The following FBXL20 variants were observed in gnomAD, a reference collection of about 807,000 sequenced individuals.
FBXL20 encodes the protein F-box and leucine rich repeat protein 20.
A neutral mutation model predicts 64.0 loss-of-function variants in FBXL20; 11 were observed. The observed-to-expected ratio is 0.17, with a 90% confidence interval of 0.11 to 0.28. The LOEUF is 0.28. FBXL20 is among the 10% of genes least tolerant of loss of function. The probability of loss-of-function intolerance (pLI) is 1.00; values close to 1 mark genes in which losing one functional copy is unlikely to be tolerated. For synonymous variants in FBXL20, 184 were observed against 189.0 expected (o/e 0.97, Z 0.22); for missense variants, 303 against 526.2 (o/e 0.58, Z 4.15).
At chr17:39,285,392 C>A in intron 7 of FBXL20, 86 bp downstream of exon 7, 3 of 823,398 alleles carry the variant, frequency 3.6e-6, no homozygotes, top group Admixed American at 3.0e-5. Context: ...AACAGAGTTG[C>A]CTTCAATTCC....
At chr17:39,361,741 G>A (rs1470419299) in intron 1 of FBXL20, among the ~76,000 whole-genome samples, 1 of 152,012 alleles carries the variant, frequency 6.6e-6, no homozygotes, top group Admixed American at 6.6e-5. Flanking sequence ...AGTTTGCAGT[G>A]AGCCGAGATC....
At chr17:39,274,655 T>C (rs895376858) in intron 10 of FBXL20, among the ~76,000 whole-genome samples, 18 of 152,232 alleles carry the variant, frequency 1.2e-4, no homozygotes, top group Admixed American at 1.1e-3. Flanking sequence ...AAAACTACTT[T>C]GAGAAAAGAA....
chr17:39,310,685 C>CA (rs1032286235), intron 2 of FBXL20, among the ~76,000 whole-genome samples: 93 of 151,548 alleles, frequency 6.1e-4, no homozygotes, highest in Middle Eastern at 3.4e-3. Context: ...CCTATCTCTA[C>CA]AAAAAAACAC....
chr17:39,278,808 G>C (rs1229568071), intron 9 of FBXL20, among the ~76,000 whole-genome samples: 2 of 146,236 alleles, frequency 1.4e-5, no homozygotes, highest in East Asian at 2.2e-4. Flanking sequence ...GCCTCCCAAA[G>C]TGTTGGGATT....
intron 6 of FBXL20, among the ~76,000 whole-genome samples, chr17:39,288,980 G>C (rs146119585): frequency 7.9e-4 from 120 of 152,304 alleles, no homozygotes; most frequent in African/African-American, 2.7e-3. Context: ...TGGGATTACA[G>C]GCGTGAGCCA....
intron 1 of FBXL20, among the ~76,000 whole-genome samples, chr17:39,388,523 G>A (rs954589006): frequency 6.8e-6 from 1 of 146,480 alleles, no homozygotes; most frequent in Non-Finnish European, 1.5e-5. Flanking sequence ...TCGCTCTGTC[G>A]CCCAGGCTGG....
At chr17:39,398,392 T>C (rs1006113889) in intron 1 of FBXL20, among the ~76,000 whole-genome samples, 2 of 152,202 alleles carry the variant, frequency 1.3e-5, no homozygotes, top group Non-Finnish European at 2.9e-5. Flanking sequence ...ATCGTTAAAT[T>C]TGAAAGACAA....
intron 6 of FBXL20, among the ~76,000 whole-genome samples, chr17:39,291,439 T>TA (rs959038022): frequency 1.4e-5 from 2 of 144,622 alleles, no homozygotes; most frequent in African/African-American, 5.1e-5. Flanking sequence ...TTCTTTTTTT[T>TA]TTTTTTTTTT....
rs1300996925 is a variant in FBXL20 at position 39,256,969 on chromosome 17, C to T, written c.*4491G>A. 1 of 151,790 alleles carries T rather than the reference C, an allele frequency of 6.6e-6. No homozygotes were observed. Among genetic ancestry groups the T allele is most frequent in the African/African-American group, 2.4e-5 (1 of 41,250 alleles). The allele number at this position is 151,790 out of a possible 1,614,324, so 9.4% of individuals were successfully genotyped here. A position where few individuals can be genotyped will look rare whatever the true frequency, so the allele number is the denominator to read the frequency against. ...CATTAGTGGGCTATCAAACTAGTAA[C>T]GATGCATTTTTTTCTTTCTTTCTTT... On this transcript the variant is annotated 3_prime_UTR_variant, in exon 15 of 15. Transcript: ENST00000264658.
intron 2 of FBXL20, among the ~76,000 whole-genome samples, chr17:39,331,386 G>T (rs1357259646): frequency 6.6e-6 from 1 of 152,094 alleles, no homozygotes; most frequent in Non-Finnish European, 1.5e-5. Context: ...CAGGTGGGAG[G>T]TATCATGCTC....
intron 2 of FBXL20, among the ~76,000 whole-genome samples, chr17:39,342,269 A>C (rs2047589911): frequency 1.3e-5 from 2 of 152,072 alleles, no homozygotes; most frequent in African/African-American, 4.8e-5. Flanking sequence ...AGTAAACCTC[A>C]AGTGAGCTAC....
At chr17:39,309,671 G>A (rs1335106629) in intron 2 of FBXL20, among the ~76,000 whole-genome samples, 3 of 151,590 alleles carry the variant, frequency 2.0e-5, no homozygotes, top group East Asian at 2.0e-4. Context: ...GCGTGGTGGT[G>A]TACGCTGTAA....
intron 2 of FBXL20, among the ~76,000 whole-genome samples, chr17:39,336,681 C>G (rs1382184236): frequency 6.6e-6 from 1 of 151,780 alleles, no homozygotes; most frequent in African/African-American, 2.4e-5. Flanking sequence ...AAAATTAGCC[C>G]AGTGTGGTGG....
intron 1 of FBXL20, among the ~76,000 whole-genome samples, chr17:39,357,517 T>TA (rs1287949845): frequency 1.3e-5 from 2 of 152,180 alleles, no homozygotes; most frequent in African/African-American, 2.4e-5. Flanking sequence ...TCTGGTATCT[T>TA]AAACAGTTTT....
At chr17:39,364,742 T>C (rs1433522224) in intron 1 of FBXL20, among the ~76,000 whole-genome samples, 2 of 152,242 alleles carry the variant, frequency 1.3e-5, no homozygotes, top group African/African-American at 2.4e-5. Flanking sequence ...ACTAAACTCC[T>C]GAATGATGAG....
chr17:39,319,673 C>CAAAAA lies in FBXL20; in HGVS notation c.105-16039_105-16035dup, dbSNP rs71300077. Among the ~76,000 whole-genome samples, 174 of 47,142 alleles carry CAAAAA rather than the reference C, an allele frequency of 3.7e-3. 1 individual carries two copies. Among genetic ancestry groups the CAAAAA allele is most frequent in the Middle Eastern group, 0.012 (1 of 82 alleles). The allele number at this position is 47,142 out of a possible 152,430, so 30.9% of individuals were successfully genotyped here. ...TGGGCAACACAGCAAGACTCCATAT[C>CAAAAA]AAAAAAAAAAAAAAAAAAAAAAACT... On this transcript the variant is annotated intron_variant, in intron 2 of 14. Transcript: ENST00000264658.
At chr17:39,311,099 C>T (rs967425624) in intron 2 of FBXL20, among the ~76,000 whole-genome samples, 1 of 151,898 alleles carries the variant, frequency 6.6e-6, no homozygotes, top group Non-Finnish European at 1.5e-5. Context: ...CCCAGGAGTA[C>T]GAGGTTGCAG....
intron 2 of FBXL20, among the ~76,000 whole-genome samples, chr17:39,319,495 G>A (rs1324864257): frequency 6.6e-6 from 1 of 152,036 alleles, no homozygotes; most frequent in Non-Finnish European, 1.5e-5. Context: ...GGCCAGCCTC[G>A]CCAACTTGGT....
intron 14 of FBXL20, 47 bp from the exon 15 acceptor site, chr17:39,261,614 G>C: frequency 7.1e-7 from 1 of 1,407,622 alleles, no homozygotes; most frequent in Non-Finnish European, 9.9e-7. Context: ...GGCTTAAACA[G>C]AAAGAGCAAT....
Sources: allele counts gnomAD v4.1 joint callset (sites outside exome capture counted in the v4.1 genomes callset), GRCh38; gene constraint gnomAD v4.1.1; transcripts MANE v1.5; gene names NCBI Gene and HGNC (gene_info 2026-07-23, HGNC 2026-07-21).